Variants in PHF24 observed in about 807,000 individuals in gnomAD.
PHF24 encodes PHD finger protein 24, also known as Galpha inhibitory interacting protein.
A neutral mutation model predicts 42.6 loss-of-function variants in PHF24; 25 were observed. The ratio of observed to expected loss-of-function variants is 0.59; its 90% CI spans 0.43 to 0.82. The LOEUF is 0.82. PHF24 is among the 40% of genes least tolerant of loss of function. PHF24 has a pLI of 0.00. For missense variants in PHF24, 470 were observed against 538.1 expected (o/e 0.87, Z 1.25); for synonymous variants, 185 against 204.8 (o/e 0.90, Z 0.83).
chr9:34,671,308 C>T, the PHF24 span, among the ~76,000 whole-genome samples: 1 of 152,140 alleles, frequency 6.6e-6, no homozygotes, highest in Non-Finnish European at 1.5e-5. Context: ...TTGTCTGAGT[C>T]CAGTGGGAGA....
chr9:34,974,169 C>G (rs1336839324), intron 3 of PHF24, among the ~76,000 whole-genome samples: 1 of 152,088 alleles, frequency 6.6e-6, no homozygotes, highest in African/African-American at 2.4e-5. Flanking sequence ...GCACCTGGCC[C>G]CACAGCCAAA....
At chr9:34,877,651 C>CATA in the PHF24 span, among the ~76,000 whole-genome samples, 12 of 151,768 alleles carry the variant, frequency 7.9e-5, no homozygotes, top group African/African-American at 2.9e-4. Flanking sequence ...ATATTTTTAC[C>CATA]ATAATTTTTT....
chr9:34,684,408 G>A, the PHF24 span, among the ~76,000 whole-genome samples: 5 of 152,176 alleles, frequency 3.3e-5, no homozygotes, highest in Non-Finnish European at 7.4e-5. Context: ...CATACCAGGA[G>A]CCATTTACGT....
the PHF24 span, among the ~76,000 whole-genome samples, chr9:34,737,861 CCTCTT>C: frequency 6.6e-6 from 1 of 152,140 alleles, no homozygotes; most frequent in Non-Finnish European, 1.5e-5. Flanking sequence ...TGTTTCCTCT[CCTCTT>C]GACACTGAAC....
chr9:34,927,096 CCTCT>C, the PHF24 span, among the ~76,000 whole-genome samples: 1 of 152,086 alleles, frequency 6.6e-6, no homozygotes, highest in Non-Finnish European at 1.5e-5. Context: ...GGCTCAGGGG[CCTCT>C]CTCTCTTGTG....
chr9:34,773,426 TAAA>T, the PHF24 span, among the ~76,000 whole-genome samples: 1 of 141,530 alleles, frequency 7.1e-6, no homozygotes, highest in African/African-American at 2.6e-5. Flanking sequence ...AAACAAGTGC[TAAA>T]AAAAAAAAAA....
At chr9:34,935,840 A>G in the PHF24 span, among the ~76,000 whole-genome samples, 1 of 151,972 alleles carries the variant, frequency 6.6e-6, no homozygotes, top group Non-Finnish European at 1.5e-5. Flanking sequence ...GATGATGACA[A>G]TGAAGACAGA....
At chr9:34,816,504 A>C in the PHF24 span, among the ~76,000 whole-genome samples, 1 of 152,162 alleles carries the variant, frequency 6.6e-6, no homozygotes, top group East Asian at 1.9e-4. Flanking sequence ...GTAGGAAGCT[A>C]GGAATTCCAA....
chr9:34,838,396 CT>C, the PHF24 span: 10 of 1,176,020 alleles, frequency 8.5e-6, no homozygotes. Flanking sequence ...ATGGTGGCTC[CT>C]TTTCACTTGC....
At chr9:34,728,761 T>G in the PHF24 span, 1 of 1,029,568 alleles carries the variant, frequency 9.7e-7, no homozygotes, top group Non-Finnish European at 1.5e-6. Flanking sequence ...TGTATATATC[T>G]ATCTGTATTT....
At chr9:34,680,695 A>AAT in the PHF24 span, among the ~76,000 whole-genome samples, 112 of 109,646 alleles carry the variant, frequency 1.0e-3, no homozygotes, top group Middle Eastern at 9.7e-3. Context: ...CTCAAAAAAA[A>AAT]AAATAAATAA....
At chr9:34,701,690 G>A in the PHF24 span, among the ~76,000 whole-genome samples, 55 of 152,118 alleles carry the variant, frequency 3.6e-4, no homozygotes, top group African/African-American at 1.3e-3. The surrounding 1 kb of genome is among the most constrained non-coding windows in gnomAD (Gnocchi z 5.8). Context: ...GGTGGTGCCC[G>A]CGCATCCGAT....
At chr9:34,867,796 C>G in the PHF24 span, among the ~76,000 whole-genome samples, 3 of 152,170 alleles carry the variant, frequency 2.0e-5, no homozygotes, top group Admixed American at 1.3e-4. Context: ...TCATAAGGCT[C>G]TCAAACAATT....
chr9:34,836,056 G>A, the PHF24 span: 1 of 600,064 alleles, frequency 1.7e-6, no homozygotes, highest in Middle Eastern at 2.7e-4. Context: ...GCCCTGGCTG[G>A]AAAGAGAAAC....
chr9:34,976,336 G>A, intron 4 of PHF24, 106 bp downstream of exon 4: 2 of 1,061,332 alleles, frequency 1.9e-6, no homozygotes, highest in South Asian at 1.3e-5. Context: ...AGTGGGTAGA[G>A]GGTAAATGAG....
At chr9:34,839,526 A>G in the PHF24 span, among the ~76,000 whole-genome samples, 69 of 149,098 alleles carry the variant, frequency 4.6e-4, no homozygotes, top group South Asian at 2.1e-3. Context: ...CTAACAGCCA[A>G]TGATTTCTGA....
the PHF24 span, among the ~76,000 whole-genome samples, chr9:34,907,038 G>T: frequency 6.6e-6 from 1 of 152,064 alleles, no homozygotes; most frequent in Non-Finnish European, 1.5e-5. Context: ...TATTGCCCAG[G>T]CTGGTCCCAA....
chr9:34,863,329 T>G, the PHF24 span, among the ~76,000 whole-genome samples: 1 of 151,980 alleles, frequency 6.6e-6, no homozygotes, highest in African/African-American at 2.4e-5. Flanking sequence ...CAAGACCCAG[T>G]GCCGTGGTGG....
the PHF24 span, among the ~76,000 whole-genome samples, chr9:34,873,254 G>A: frequency 4.6e-5 from 7 of 152,000 alleles, no homozygotes; most frequent in South Asian, 4.1e-4. Flanking sequence ...TTTGCTTTTG[G>A]TGTTTTAGAC....
Sources: gnomAD v4.1 joint callset for allele counts (sites outside exome capture counted in the v4.1 genomes callset) on GRCh38, gnomAD v4.1.1 for gene constraint, Gnocchi (gnomAD v3.1) non-coding constraint, MANE v1.5 for transcripts, NCBI Gene and HGNC (gene_info 2026-07-23, HGNC 2026-07-21) for gene names.